ARB2A: variants seen among roughly 807,000 people sequenced by gnomAD.
ARB2A encodes cotranscriptional regulator ARB2A.
chr5:93,832,385 A>G, the ARB2A span, among the ~76,000 whole-genome samples: 1 of 152,198 alleles, frequency 6.6e-6, no homozygotes, highest in African/African-American at 2.4e-5. Context: ...AGGGAAGATC[A>G]AAGCTATGGT....
At chr5:94,065,081 C>G in the ARB2A span, among the ~76,000 whole-genome samples, 15 of 152,070 alleles carry the variant, frequency 9.9e-5, no homozygotes, top group Non-Finnish European at 1.5e-5. Context: ...CAATAATAAC[C>G]TTTAATATAA....
the ARB2A span, among the ~76,000 whole-genome samples, chr5:93,850,672 G>C: frequency 1.3e-5 from 2 of 152,136 alleles, no homozygotes; most frequent in Admixed American, 1.3e-4. Context: ...TGATGAACAT[G>C]TTCTAGAAAT....
chr5:93,884,639 A>G, the ARB2A span, among the ~76,000 whole-genome samples: 1 of 151,644 alleles, frequency 6.6e-6, no homozygotes, highest in Non-Finnish European at 1.5e-5. Context: ...GATATTTCAG[A>G]TTGCCAATTT....
the ARB2A span, among the ~76,000 whole-genome samples, chr5:93,973,749 G>T: frequency 1.2e-4 from 18 of 152,264 alleles, no homozygotes; most frequent in Non-Finnish European, 1.3e-4. Flanking sequence ...AAGAGACTGG[G>T]GACCCATTTT....
the ARB2A span, among the ~76,000 whole-genome samples, chr5:93,866,940 C>T: frequency 6.6e-6 from 1 of 151,892 alleles, no homozygotes; most frequent in African/African-American, 2.4e-5. Flanking sequence ...TTATATAAAA[C>T]AGTAAACAAA....
chr5:93,836,481 T>C, the ARB2A span, among the ~76,000 whole-genome samples: 1 of 152,242 alleles, frequency 6.6e-6, no homozygotes, highest in Non-Finnish European at 1.5e-5. Flanking sequence ...GTTATTTAAC[T>C]CTTTTGTATA....
chr5:93,931,540 T>G, the ARB2A span, among the ~76,000 whole-genome samples: 1 of 152,200 alleles, frequency 6.6e-6, no homozygotes, highest in Non-Finnish European at 1.5e-5. Context: ...CAAATTGGCT[T>G]AATTAGGTAA....
chr5:93,657,942 A>G, the ARB2A span, among the ~76,000 whole-genome samples: 1 of 152,204 alleles, frequency 6.6e-6, no homozygotes, highest in Non-Finnish European at 1.5e-5. Context: ...GCTATATAAT[A>G]TGCATTGTTA....
the ARB2A span, among the ~76,000 whole-genome samples, chr5:93,684,358 G>C: frequency 1.3e-5 from 2 of 152,144 alleles, no homozygotes; most frequent in African/African-American, 4.8e-5. Flanking sequence ...ATATTGTTAC[G>C]TGAGGATTAA....
chr5:93,935,030 G>A, the ARB2A span, among the ~76,000 whole-genome samples: 1 of 152,116 alleles, frequency 6.6e-6, no homozygotes. Flanking sequence ...AAGCTAGGAG[G>A]ACGCAAAGGC....
At chr5:93,770,585 A>G in the ARB2A span, among the ~76,000 whole-genome samples, 1 of 152,308 alleles carries the variant, frequency 6.6e-6, no homozygotes, top group East Asian at 1.9e-4. Context: ...AATCTCCTTA[A>G]GCTGATAAGC....
At chr5:93,846,000 GACACACACAC>G in the ARB2A span, among the ~76,000 whole-genome samples, 716 of 146,702 alleles carry the variant, frequency 4.9e-3, 5 homozygotes, top group African/African-American at 8.5e-3. Flanking sequence ...CTCTCTCTGT[GACACACACAC>G]ACACACACAC....
chr5:93,714,112 T>A, the ARB2A span, among the ~76,000 whole-genome samples: 1 of 152,258 alleles, frequency 6.6e-6, no homozygotes, highest in African/African-American at 2.4e-5. Flanking sequence ...CTAAAAGGTA[T>A]CTGTAACATC....
chr5:93,842,238 C>T, the ARB2A span, among the ~76,000 whole-genome samples: 27 of 152,188 alleles, frequency 1.8e-4, no homozygotes, highest in Non-Finnish European at 3.1e-4. Flanking sequence ...CAGTGAGCTG[C>T]AAGCTGCCTG....
At chr5:94,110,633 C>T in the ARB2A span, among the ~76,000 whole-genome samples, 2 of 152,212 alleles carry the variant, frequency 1.3e-5, no homozygotes, top group Non-Finnish European at 1.5e-5. Flanking sequence ...TACAGTGTAA[C>T]CGTCCCTCGC....
chr5:94,044,936 G>A, the ARB2A span, among the ~76,000 whole-genome samples: 1 of 151,828 alleles, frequency 6.6e-6, no homozygotes, highest in Non-Finnish European at 1.5e-5. Context: ...TGGCCAACAT[G>A]AGGAAACCCC....
the ARB2A span, among the ~76,000 whole-genome samples, chr5:93,998,835 T>C: frequency 6.6e-6 from 1 of 152,018 alleles, no homozygotes; most frequent in Admixed American, 6.6e-5. Context: ...CTGTAATGCT[T>C]ATAAAACCAT....
At chr5:93,906,900 G>GTACT in the ARB2A span, among the ~76,000 whole-genome samples, 1 of 151,480 alleles carries the variant, frequency 6.6e-6, no homozygotes, top group Non-Finnish European at 1.5e-5. Context: ...GTCTCCCCAA[G>GTACT]TACTTATGCT....
chr5:93,677,444 G>A, the ARB2A span, among the ~76,000 whole-genome samples: 3 of 152,316 alleles, frequency 2.0e-5, no homozygotes, highest in East Asian at 1.9e-4. Context: ...CTGAGAAGGC[G>A]TAATCTGATC....
Sources: gnomAD v4.1 joint callset for allele counts (sites outside exome capture counted in the v4.1 genomes callset) on GRCh38, gnomAD v4.1.1 for gene constraint, MANE v1.5 for transcripts, NCBI Gene and HGNC (gene_info 2026-07-23, HGNC 2026-07-21) for gene names.